Variants in DCLK1 observed in about 807,000 individuals in gnomAD.
DCLK1 encodes the protein serine/threonine-protein kinase DCLK1.
In DCLK1, 16 loss-of-function variants were observed where a neutral mutation model predicts 86.2. The observed-to-expected ratio is 0.19, with a 90% CI of 0.13 to 0.28. The LOEUF (loss-of-function observed/expected upper bound fraction) is 0.28. DCLK1 is among the 10% of genes least tolerant of loss of function. The pLI, the probability that DCLK1 is intolerant of heterozygous loss-of-function variation, is 1.00. For synonymous variants in DCLK1, 369 were observed against 370.5 expected (o/e 1.00, Z 0.05); for missense variants, 590 against 940.2 (o/e 0.63, Z 4.87).
At chr13:35,812,688 T>C (rs534886894) in intron 11 of DCLK1, among the ~76,000 whole-genome samples, 2 of 152,174 alleles carry the variant, frequency 1.3e-5, no homozygotes, top group Non-Finnish European at 2.9e-5. Flanking sequence ...GAGCAGAAAA[T>C]ATTCTTTTAC....
chr13:35,871,089 G>A (rs78436030), intron 5 of DCLK1, 135 bp downstream of exon 5: 13,883 of 704,240 alleles, frequency 0.02, 181 homozygotes, highest in Non-Finnish European at 0.023. Flanking sequence ...CTGTTCAACC[G>A]CTCTAAGATG....
intron 5 of DCLK1, among the ~76,000 whole-genome samples, chr13:35,857,831 T>C (rs1871156263): frequency 6.6e-6 from 1 of 152,284 alleles, no homozygotes; most frequent in East Asian, 1.9e-4. Context: ...GTTTCAGGGC[T>C]GGATACGAGA....
intron 3 of DCLK1, among the ~76,000 whole-genome samples, chr13:36,014,690 TG>T (rs1322025827): frequency 6.6e-6 from 1 of 152,212 alleles, no homozygotes; most frequent in African/African-American, 2.4e-5. Flanking sequence ...TTTTCTAGTC[TG>T]TAAAAAAATT....
intron 3 of DCLK1, among the ~76,000 whole-genome samples, chr13:35,951,581 G>A (rs959934282): frequency 2.0e-5 from 3 of 151,510 alleles, no homozygotes; most frequent in Non-Finnish European, 4.4e-5. Context: ...TGATCAATAC[G>A]TGTTTACTGA....
At chr13:35,966,878 C>T (rs892022558) in intron 3 of DCLK1, among the ~76,000 whole-genome samples, 1 of 152,040 alleles carries the variant, frequency 6.6e-6, no homozygotes, top group African/African-American at 2.4e-5. Flanking sequence ...CAGCCGCCTG[C>T]CTTGGCCTCC....
intron 3 of DCLK1, among the ~76,000 whole-genome samples, chr13:35,997,177 C>T (rs942112518): frequency 2.0e-5 from 3 of 152,164 alleles, no homozygotes; most frequent in African/African-American, 7.2e-5. Flanking sequence ...AATGCAAAGC[C>T]AAGGCTAGCC....
chr13:36,022,459 C>G (rs1215938451), intron 3 of DCLK1, among the ~76,000 whole-genome samples: 3 of 151,458 alleles, frequency 2.0e-5, no homozygotes, highest in Non-Finnish European at 4.4e-5. Flanking sequence ...TGAGAAAAAT[C>G]AATGAAAGCA....
intron 3 of DCLK1, among the ~76,000 whole-genome samples, chr13:35,966,531 T>C (rs1016592074): frequency 1.9e-5 from 2 of 103,230 alleles, no homozygotes; most frequent in Non-Finnish European, 3.7e-5. Context: ...TCTCCCTCTT[T>C]GCACGGTCTC....
chr13:35,964,894 G>A (rs1430035235), intron 3 of DCLK1, among the ~76,000 whole-genome samples: 1 of 151,998 alleles, frequency 6.6e-6, no homozygotes, highest in Non-Finnish European at 1.5e-5. Context: ...AGCCATGCTC[G>A]CTTGTTTACA....
intron 3 of DCLK1, among the ~76,000 whole-genome samples, chr13:35,948,660 C>A (rs9574965): frequency 0.027 from 4,114 of 152,282 alleles, 217 homozygotes; most frequent in East Asian, 0.23. Flanking sequence ...AATAATGTCT[C>A]ATTTCTAAAT....
intron 3 of DCLK1, among the ~76,000 whole-genome samples, chr13:36,102,321 G>C (rs945729377): frequency 5.9e-5 from 9 of 151,622 alleles, no homozygotes; most frequent in Admixed American, 5.9e-4. Flanking sequence ...CTTCCAAGTA[G>C]AGAAAAAGGG....
intron 16 of DCLK1, among the ~76,000 whole-genome samples, chr13:35,789,660 A>G (rs2086678606): frequency 6.6e-6 from 1 of 152,208 alleles, no homozygotes. Context: ...AAGAACTTTA[A>G]AGCATTAGGA....
chr13:36,101,070 GT>G (rs1311416366), intron 3 of DCLK1, among the ~76,000 whole-genome samples: 1 of 152,168 alleles, frequency 6.6e-6, no homozygotes, highest in African/African-American at 2.4e-5. Flanking sequence ...TCTAAAATCG[GT>G]TCTCAGGACC....
At chr13:36,120,159 A>G (rs1295108024) in intron 2 of DCLK1, among the ~76,000 whole-genome samples, 1 of 152,214 alleles carries the variant, frequency 6.6e-6, no homozygotes, top group African/African-American at 2.4e-5. Flanking sequence ...AAATGGCTTT[A>G]TGATCTCAGT....
At chr13:36,103,762 A>C (rs1256503083) in intron 3 of DCLK1, among the ~76,000 whole-genome samples, 1 of 152,198 alleles carries the variant, frequency 6.6e-6, no homozygotes, top group East Asian at 1.9e-4. Context: ...CACCACAGAC[A>C]CCCTTGAATA....
intron 3 of DCLK1, among the ~76,000 whole-genome samples, chr13:36,008,379 C>A (rs1209705065): frequency 9.9e-4 from 80 of 80,834 alleles, no homozygotes; most frequent in Middle Eastern, 5.4e-3. Flanking sequence ...CCCCCTCCCC[C>A]CTCCCCACCA....
chr13:35,862,412 C>T (rs1295637297), intron 5 of DCLK1, among the ~76,000 whole-genome samples: 2 of 152,188 alleles, frequency 1.3e-5, no homozygotes, highest in African/African-American at 2.4e-5. Flanking sequence ...CCAGCTCTTT[C>T]GGTTCTGTCT....
intron 4 of DCLK1, among the ~76,000 whole-genome samples, chr13:35,887,048 A>G (rs1319361411): frequency 6.6e-6 from 1 of 152,224 alleles, no homozygotes; most frequent in African/African-American, 2.4e-5. Flanking sequence ...TTGGAATCCA[A>G]CTGGAAAGAC....
At chr13:35,983,173 T>C (rs1202659197) in intron 3 of DCLK1, among the ~76,000 whole-genome samples, 1 of 152,136 alleles carries the variant, frequency 6.6e-6, no homozygotes, top group African/African-American at 2.4e-5. Context: ...TTGCCCATGC[T>C]GGAGTGCAGT....
Sources: allele counts gnomAD v4.1 joint callset (sites outside exome capture counted in the v4.1 genomes callset), GRCh38; gene constraint gnomAD v4.1.1; transcripts MANE v1.5; gene names NCBI Gene and HGNC (gene_info 2026-07-23, HGNC 2026-07-21).